ACACA: variants seen among roughly 807,000 people sequenced by gnomAD.
The protein encoded by ACACA is acetyl-CoA carboxylase 1.
A neutral mutation model predicts 296.1 loss-of-function variants in ACACA; 103 were observed. The observed-to-expected ratio is 0.35, with a 90% CI of 0.30 to 0.41. The LOEUF is 0.41. Among genes scored for constraint, ACACA ranks in the 10% least tolerant of loss-of-function variants. The pLI is 1.00. For missense variants in ACACA, 1,554 were observed against 2,989.7 expected (o/e 0.52, Z 11.20); for synonymous variants, 953 against 1,038.6 (o/e 0.92, Z 1.58).
At chr17:37,278,940 G>C (rs2082386384) in intron 5 of ACACA, among the ~76,000 whole-genome samples, 1 of 152,116 alleles carries the variant, frequency 6.6e-6, no homozygotes, top group South Asian at 2.1e-4. Context: ...AGGTAAACGT[G>C]TGCCATGGTG....
intron 1 of ACACA, chr17:37,369,398 G>A (rs2049720911): frequency 6.6e-6 from 1 of 152,382 alleles, no homozygotes; most frequent in Non-Finnish European, 1.5e-5. Context: ...GGGTGGCTGA[G>A]GTGGGAGGAT....
Position 37,113,795 on chromosome 17 carries a change from G to A in ACACA, c.6275-530C>T, listed in dbSNP as rs1457889837. ...TGGTATCCCGATATCCCTGCCCAGT[G>A]CCTGAACATAGTTAGTGCTCAACAA... On this transcript the variant is annotated intron_variant, in intron 50 of 55. Transcript: ENST00000616317. This position sits in a 1 kb window ranked among gnomAD's most constrained non-coding sequence, Gnocchi z 4.0. Among the ~76,000 whole-genome samples the A allele has an allele frequency of 6.6e-6, 1 of 152,148 alleles. No individual in the cohort carries two copies. Among genetic ancestry groups the A allele is most frequent in the Non-Finnish European group, 1.5e-5 (1 of 68,024 alleles).
At chr17:37,353,441 G>A (rs1307492622) in intron 1 of ACACA, among the ~76,000 whole-genome samples, 9 of 151,298 alleles carry the variant, frequency 5.9e-5, no homozygotes, top group Non-Finnish European at 1.5e-5. Flanking sequence ...AGGAGTTCAA[G>A]ACCAGCCTGA....
At chr17:37,313,979 T>C (rs1209405557) in intron 3 of ACACA, among the ~76,000 whole-genome samples, 1 of 151,912 alleles carries the variant, frequency 6.6e-6, no homozygotes, top group Non-Finnish European at 1.5e-5. Flanking sequence ...GATGAATGGA[T>C]AAAAAGAAAT....
At chr17:37,143,691 C>G in intron 45 of ACACA, 1 of 910,078 alleles carries the variant, frequency 1.1e-6, no homozygotes, top group Non-Finnish European at 1.8e-6. Context: ...TATTCATCAT[C>G]ATCATCTTCT....
At chr17:37,391,919 G>A (rs2147813553) in intron 1 of ACACA, 2 of 590,732 alleles carry the variant, frequency 3.4e-6, no homozygotes, top group Non-Finnish European at 6.0e-6. Context: ...ACAACCTTCT[G>A]TAATTCACTT....
chr17:37,199,051 C>T (rs561608785), intron 35 of ACACA, among the ~76,000 whole-genome samples: 1 of 152,108 alleles, frequency 6.6e-6, no homozygotes, highest in South Asian at 2.1e-4. Context: ...ACCAGCCTGG[C>T]TAACATGGTG....
chr17:37,244,018 T>G (rs1160754158), intron 21 of ACACA, among the ~76,000 whole-genome samples: 2 of 152,120 alleles, frequency 1.3e-5, no homozygotes, highest in Non-Finnish European at 2.9e-5. Context: ...ATAGAGTACT[T>G]TGAAATTGCA....
intron 44 of ACACA, among the ~76,000 whole-genome samples, chr17:37,150,292 G>A (rs2075983194): frequency 1.3e-5 from 2 of 151,936 alleles, no homozygotes; most frequent in African/African-American, 2.4e-5. Context: ...CTGTAATCCC[G>A]GCACTTTGGA....
chr17:37,275,389 C>T (rs974914977), intron 8 of ACACA, among the ~76,000 whole-genome samples: 80 of 146,070 alleles, frequency 5.5e-4, no homozygotes, highest in African/African-American at 2.0e-3. Context: ...CCCAGCTACT[C>T]GGGAGGCTGA....
rs181632683 is a variant in ACACA, at chr17:37,143,635, G to C, written c.5679+6229C>G. 1.3e-3 allele frequency: 1,146 copies of C among 876,742 alleles called. 13 individuals carry two copies. The African/African-American group carries it at 0.017, about 13-fold the overall frequency. 54.3% of individuals were successfully genotyped at this position (876,742 alleles called of 1,614,324 possible). ...AAAGGAGTGAGTTGTATACAGGGGG[G>C]TTAAATGCTTTATAGACAAGAAAAA... On this transcript the variant is annotated intron_variant, in intron 45 of 55. Coordinates refer to ENST00000616317, the MANE Select transcript of ACACA (RefSeq NM_198834.3).
At chr17:37,099,394 C>T (rs2073183646) in intron 52 of ACACA, among the ~76,000 whole-genome samples, 1 of 152,218 alleles carries the variant, frequency 6.6e-6, no homozygotes, top group African/African-American at 2.4e-5. Context: ...GGGCCCCACA[C>T]TAAGGGATGA....
chr17:37,174,687 C>G (rs1303696510), intron 41 of ACACA, among the ~76,000 whole-genome samples: 1 of 152,072 alleles, frequency 6.6e-6, no homozygotes, highest in Non-Finnish European at 1.5e-5. Flanking sequence ...CACCCGCCAC[C>G]ACGCCTGGCT....
At chr17:37,393,833 G>A (rs1287055009) in intron 1 of ACACA, among the ~76,000 whole-genome samples, 2 of 150,784 alleles carry the variant, frequency 1.3e-5, no homozygotes, top group Admixed American at 6.6e-5. Context: ...AAAAAAAAAA[G>A]AGTATAATTT....
Position 37,329,241 on chromosome 17 carries a change from G to A in ACACA, c.338+932C>T, listed in dbSNP as rs1409258827. The stretch of plus-strand genomic sequence containing the variant: ...TACGAAGTTGACAACACCTGGAGAA[G>A]TCCTATCAATCATCAAGATAGTTAG... On this transcript the variant is annotated intron_variant, in intron 3 of 55. Transcript: ENST00000616317. Among the ~76,000 whole-genome samples, 2 of 152,276 alleles carry A rather than the reference G, an allele frequency of 1.3e-5. 1 individual carries two copies. Among genetic ancestry groups the A allele is most frequent in the East Asian group, 3.9e-4 (2 of 5,190 alleles).
chr17:37,357,015 A>C (rs1434622435), intron 1 of ACACA, among the ~76,000 whole-genome samples: 1 of 152,214 alleles, frequency 6.6e-6, no homozygotes, highest in African/African-American at 2.4e-5. Context: ...ACAGCACTTT[A>C]GAGAGGTCAA....
intron 29 of ACACA, among the ~76,000 whole-genome samples, chr17:37,219,331 C>A (rs2079174032): frequency 6.6e-6 from 1 of 152,174 alleles, no homozygotes; most frequent in Non-Finnish European, 1.5e-5. Context: ...ACACTTCACC[C>A]TAAGCGTCTC....
intron 37 of ACACA, 43 bp downstream of exon 37, chr17:37,192,047 C>T (rs753873335): frequency 3.8e-6 from 6 of 1,576,146 alleles, no homozygotes; most frequent in East Asian, 2.2e-5. Context: ...ATTATTCTGT[C>T]CCTTCCCTCA....
intron 50 of ACACA, among the ~76,000 whole-genome samples, chr17:37,120,740 T>C (rs1457210770): frequency 6.6e-6 from 1 of 151,130 alleles, no homozygotes; most frequent in African/African-American, 2.4e-5. Context: ...GCTCTCCCTG[T>C]AGTGTCCACA....
Sources: allele counts gnomAD v4.1 joint callset (sites outside exome capture counted in the v4.1 genomes callset), GRCh38; gene constraint gnomAD v4.1.1; non-coding constraint Gnocchi (gnomAD v3.1); transcripts MANE v1.5; gene names NCBI Gene and HGNC (gene_info 2026-07-23, HGNC 2026-07-21).